SDK1: variants seen among roughly 807,000 people sequenced by gnomAD.
SDK1 encodes sidekick cell adhesion molecule 1, also known as protein sidekick-1.
In SDK1, 157 loss-of-function variants were observed where a neutral mutation model predicts 245.5. That is an observed-to-expected ratio of 0.64 (90% CI 0.56 to 0.73). The LOEUF (loss-of-function observed/expected upper bound fraction) is 0.73. Among genes scored for constraint, SDK1 ranks in the 30% least tolerant of loss-of-function variants. SDK1 has a pLI of 0.00. For synonymous variants in SDK1, 1,647 were observed against 1,278.5 expected (o/e 1.29, Z -6.15); for missense variants, 3,583 against 3,002.3 (o/e 1.19, Z -4.52).
chr7:4,097,208 C>T lies in SDK1; in HGVS notation c.3325-13455C>T, dbSNP rs545407085. On this transcript the variant is annotated intron_variant, in intron 22 of 44. Transcript: ENST00000404826. ...CTCGCAGCAAACAAAGATGGCAAGA[C>T]GGCCTGGGCCGACTCTGGGTGAGGG... Among the ~76,000 whole-genome samples the T allele has an allele frequency of 9.4e-5, 14 of 148,456 alleles. No individual in the cohort carries two copies. The East Asian group carries it at 2.1e-3, about 23-fold the overall frequency.
At chr7:3,468,007 C>T (rs6954853) in intron 1 of SDK1, among the ~76,000 whole-genome samples, 5,621 of 151,538 alleles carry the variant, frequency 0.037, 323 homozygotes, top group African/African-American at 0.12. Context: ...AAATCGTTTT[C>T]CACTGTAGAC....
At chr7:3,810,827 C>T (rs1359537884) in intron 4 of SDK1, among the ~76,000 whole-genome samples, 2 of 152,202 alleles carry the variant, frequency 1.3e-5, no homozygotes, top group Non-Finnish European at 2.9e-5. Flanking sequence ...TTCGTGGCAT[C>T]TGGGTGGAAG....
At chr7:3,951,619 T>C in intron 6 of SDK1, 111 bp from the exon 7 acceptor site, 1 of 890,342 alleles carries the variant, frequency 1.1e-6, no homozygotes, top group East Asian at 2.5e-5. Flanking sequence ...CAACCCACCA[T>C]GCACCCTGGT....
chr7:4,074,886 G>GTGTATATA (rs1401453083), intron 20 of SDK1, among the ~76,000 whole-genome samples: 1 of 48,122 alleles, frequency 2.1e-5, no homozygotes, highest in Non-Finnish European at 3.2e-5. Flanking sequence ...CTCTCTCTCT[G>GTGTATATA]TATATATATA....
intron 1 of SDK1, among the ~76,000 whole-genome samples, chr7:3,581,222 G>A (rs564489900): frequency 1.6e-4 from 25 of 152,174 alleles, no homozygotes; most frequent in African/African-American, 5.8e-4. Context: ...TCTGACAAAG[G>A]TATATCCAGT....
At chr7:4,070,599 T>G (rs1424643272) in intron 20 of SDK1, among the ~76,000 whole-genome samples, 3 of 152,092 alleles carry the variant, frequency 2.0e-5, no homozygotes, top group Admixed American at 6.6e-5. Context: ...ACCCCACCAC[T>G]ACTCATCAGT....
chr7:4,205,931 G>C lies in SDK1; in HGVS notation c.5151G>C (p.Gln1717His), dbSNP rs767334050. Residue 1717 changes from glutamine (Q) to histidine (H), a missense_variant, in exon 36 of 45, where the codon CAG becomes CAC. Transcript: ENST00000404826. ...NVQVTPLTASQLEVTWDPPPP... is the reference protein window; with the variant it reads ...NVQVTPLTASHLEVTWDPPPP... The stretch of plus-strand genomic sequence containing the variant: ...AGGTGACCCCACTCACGGCCAGCCA[G>C]CTGGAGGTCACGTGGGACCCACCAC... 1 of 1,563,492 alleles carries C rather than the reference G, an allele frequency of 6.4e-7. No individual in the cohort carries two copies. Among genetic ancestry groups the C allele is most frequent in the African/African-American group, 1.4e-5 (1 of 73,780 alleles).
chr7:4,012,054 G>A (rs1349518161), intron 15 of SDK1, 41 bp from the exon 16 acceptor site: 4 of 1,393,048 alleles, frequency 2.9e-6, no homozygotes, highest in Middle Eastern at 1.9e-4. Flanking sequence ...CGCTGTTTCT[G>A]GTACTCATCT....
intron 2 of SDK1, among the ~76,000 whole-genome samples, chr7:3,633,678 G>C (rs1311130034): frequency 6.6e-6 from 1 of 152,146 alleles, no homozygotes; most frequent in East Asian, 1.9e-4. Context: ...TGAGCACCTA[G>C]TAACTTTAGA....
intron 1 of SDK1, among the ~76,000 whole-genome samples, chr7:3,528,441 G>C (rs569349951): frequency 1.3e-5 from 2 of 151,942 alleles, no homozygotes; most frequent in African/African-American, 4.8e-5. Context: ...TAAGGTGTGA[G>C]AAAGTGCTTA....
intron 17 of SDK1, among the ~76,000 whole-genome samples, chr7:4,048,131 G>A (rs1413741178): frequency 2.6e-5 from 4 of 152,244 alleles, no homozygotes; most frequent in South Asian, 2.1e-4. Flanking sequence ...AGAGTGTAGC[G>A]ATTTTCACCA....
In SDK1 at chr7:3,458,669, G is replaced by T. The variant is rs1181627772; in HGVS notation, c.298+156785G>T. 3.3e-5 allele frequency among the ~76,000 whole-genome samples: 5 copies of T among 151,890 alleles called. 1 individual carries two copies. The highest frequency in any genetic ancestry group is 7.4e-5 in the Non-Finnish European group (5 of 67,970). ...AGGTAGATAGAGGTCATGATTTATT[G>T]TTTTCTATATAAATGTCTGTTTGAT... On this transcript the variant is annotated intron_variant, in intron 1 of 44. Transcript: ENST00000404826.
chr7:3,570,947 C>G (rs1368151688), intron 1 of SDK1, among the ~76,000 whole-genome samples: 2 of 152,008 alleles, frequency 1.3e-5, no homozygotes, highest in Admixed American at 1.3e-4. Context: ...ATGAATTTTT[C>G]TGTCAGAATA....
intron 5 of SDK1, among the ~76,000 whole-genome samples, chr7:3,877,008 A>G (rs961898759): frequency 8.5e-5 from 13 of 152,190 alleles, no homozygotes; most frequent in African/African-American, 2.7e-4. Flanking sequence ...CCCCTCTCCC[A>G]TATTTCCTTT....
chr7:3,967,541 C>G (rs1413883529), intron 10 of SDK1, 107 bp downstream of exon 10: 4 of 729,802 alleles, frequency 5.5e-6, no homozygotes, highest in Middle Eastern at 3.5e-4. Context: ...TATGCATTCA[C>G]TCAATGAAGA....
At chr7:3,484,646 C>T (rs146672174) in intron 1 of SDK1, among the ~76,000 whole-genome samples, 9 of 152,262 alleles carry the variant, frequency 5.9e-5, no homozygotes, top group East Asian at 1.9e-4. Context: ...TAACCAACCT[C>T]GCCTCACACT....
At chr7:4,135,073 G>A (rs538668306) in intron 28 of SDK1, among the ~76,000 whole-genome samples, 25 of 152,316 alleles carry the variant, frequency 1.6e-4, no homozygotes, top group African/African-American at 5.8e-4. Context: ...CACGCCCGCC[G>A]GAGTGAGGCC....
intron 4 of SDK1, among the ~76,000 whole-genome samples, chr7:3,768,564 A>AT (rs1780321536): frequency 6.6e-6 from 1 of 152,200 alleles, no homozygotes; most frequent in African/African-American, 2.4e-5. Context: ...TGTGCTTTAC[A>AT]TTTGGAATGT....
chr7:3,448,780 C>T (rs1166713017), intron 1 of SDK1, among the ~76,000 whole-genome samples: 1 of 152,206 alleles, frequency 6.6e-6, no homozygotes, highest in East Asian at 1.9e-4. Context: ...TTACATTTTT[C>T]CCCAGCTTAA....
Sources: allele counts gnomAD v4.1 joint callset (sites outside exome capture counted in the v4.1 genomes callset), GRCh38; gene constraint gnomAD v4.1.1; transcripts MANE v1.5; gene names NCBI Gene and HGNC (gene_info 2026-07-23, HGNC 2026-07-21).